The following MLLT3 variants were observed in gnomAD, a reference collection of about 807,000 sequenced individuals.
MLLT3 encodes the protein protein AF-9.
In MLLT3, 4 loss-of-function variants were observed where a neutral mutation model predicts 53.2. The ratio of observed to expected loss-of-function variants is 0.08; its 90% CI spans 0.04 to 0.17. The LOEUF is 0.17. Ranked by LOEUF, MLLT3 falls within the 10% of genes least tolerant of loss-of-function variation. The pLI is 1.00. For synonymous variants in MLLT3, 283 were observed against 230.6 expected (o/e 1.23, Z -2.06); for missense variants, 569 against 684.0 (o/e 0.83, Z 1.87).
chr9:20,442,208 G>C (rs986496744), intron 4 of MLLT3, among the ~76,000 whole-genome samples: 6 of 152,180 alleles, frequency 3.9e-5, no homozygotes, highest in African/African-American at 1.4e-4. Flanking sequence ...CAGATTGGGG[G>C]AGAGGGTAGT....
chr9:20,557,937 A>G (rs2131149032), intron 2 of MLLT3, among the ~76,000 whole-genome samples: 1 of 152,280 alleles, frequency 6.6e-6, no homozygotes, highest in Admixed American at 6.5e-5. Flanking sequence ...TTAGAGGGGG[A>G]TAACCTATAT....
chr9:20,546,425 C>T (rs537693148), intron 2 of MLLT3, among the ~76,000 whole-genome samples: 1 of 152,206 alleles, frequency 6.6e-6, no homozygotes, highest in South Asian at 2.1e-4. Flanking sequence ...TGCCTGTAGT[C>T]CTAGCTACTC....
intron 2 of MLLT3, among the ~76,000 whole-genome samples, chr9:20,525,474 C>A (rs925872379): frequency 6.6e-6 from 1 of 152,104 alleles, no homozygotes; most frequent in African/African-American, 2.4e-5. Flanking sequence ...CCAGCCTGGG[C>A]AACAGTAAGA....
At chr9:20,406,368 C>A (rs1371775547) in intron 5 of MLLT3, among the ~76,000 whole-genome samples, 1 of 152,176 alleles carries the variant, frequency 6.6e-6, no homozygotes, top group Non-Finnish European at 1.5e-5. Context: ...CATGCAGTGA[C>A]CGTACATAGG....
intron 2 of MLLT3, among the ~76,000 whole-genome samples, chr9:20,540,614 A>G (rs560973442): frequency 6.6e-6 from 1 of 152,310 alleles, no homozygotes; most frequent in Admixed American, 6.5e-5. Context: ...ACAGGGTGCC[A>G]TGTCTTAAGG....
At chr9:20,371,183 G>A (rs780091947) in intron 5 of MLLT3, among the ~76,000 whole-genome samples, 12 of 152,202 alleles carry the variant, frequency 7.9e-5, no homozygotes, top group Non-Finnish European at 1.2e-4. Context: ...GGTTCATAAG[G>A]TTTAGGGAAA....
At chr9:20,463,284 G>A (rs74494384) in intron 2 of MLLT3, among the ~76,000 whole-genome samples, 1 of 151,824 alleles carries the variant, frequency 6.6e-6, no homozygotes, top group Non-Finnish European at 1.5e-5. Flanking sequence ...AAGGGGGTGG[G>A]GGGGAGGAGA....
At position 20,342,493 on chromosome 9, in the gene MLLT3, G is replaced by C. The variant is rs1820758497; in HGVS notation, c.*3950C>G. The C allele has an allele frequency of 4.5e-6, 1 of 222,088 alleles. No homozygotes were observed. Among genetic ancestry groups the C allele is most frequent in the African/African-American group, 2.2e-5 (1 of 44,666 alleles). 13.8% of individuals were successfully genotyped at this position (222,088 alleles called of 1,614,324 possible). A position where few individuals can be genotyped will look rare whatever the true frequency, so the allele number is the denominator to read the frequency against. The stretch of plus-strand genomic sequence containing the variant: ...GCATGGTAGCTCTGGCCACCATTAA[G>C]GATCTGTCAGCATTTCCATCATAAC... On this transcript the variant is annotated 3_prime_UTR_variant, in exon 11 of 11. Coordinates refer to ENST00000380338, the MANE Select transcript of MLLT3 (RefSeq NM_004529.4).
chr9:20,480,827 T>C (rs1352845851), intron 2 of MLLT3, among the ~76,000 whole-genome samples: 1 of 152,200 alleles, frequency 6.6e-6, no homozygotes, highest in African/African-American at 2.4e-5. Context: ...GATAGGTATA[T>C]AGTAGATGCT....
chr9:20,415,746 T>C (rs1180397546), intron 4 of MLLT3, among the ~76,000 whole-genome samples: 1 of 152,074 alleles, frequency 6.6e-6, no homozygotes, highest in Non-Finnish European at 1.5e-5. Context: ...ATGAACAATC[T>C]ACTTATTGGG....
At chr9:20,545,198 A>C (rs1386892358) in intron 2 of MLLT3, among the ~76,000 whole-genome samples, 1 of 152,182 alleles carries the variant, frequency 6.6e-6, no homozygotes, top group Admixed American at 6.5e-5. Flanking sequence ...ATAAATAAAC[A>C]AAATGTGTTA....
chr9:20,468,113 A>C (rs1322661795), intron 2 of MLLT3, among the ~76,000 whole-genome samples: 3 of 152,210 alleles, frequency 2.0e-5, no homozygotes, highest in Non-Finnish European at 4.4e-5. Flanking sequence ...TAGCTCCTAT[A>C]AACTGTAAGA....
At chr9:20,434,005 C>T (rs540720265) in intron 4 of MLLT3, among the ~76,000 whole-genome samples, 2 of 152,024 alleles carry the variant, frequency 1.3e-5, no homozygotes, top group East Asian at 3.9e-4. Flanking sequence ...CCTGTAGTCC[C>T]AGCTACTCAG....
At chr9:20,503,495 A>G (rs915660594) in intron 2 of MLLT3, among the ~76,000 whole-genome samples, 2 of 152,194 alleles carry the variant, frequency 1.3e-5, no homozygotes, top group Admixed American at 6.5e-5. Flanking sequence ...CACCACACAC[A>G]TAAGAATGAA....
Position 20,476,733 on chromosome 9 carries a change from T to G in MLLT3, c.194-19947A>C, listed in dbSNP as rs142629310. Among the ~76,000 whole-genome samples the G allele has an allele frequency of 1.9e-3, 282 of 152,248 alleles. 2 individuals are homozygous for G. Among genetic ancestry groups the G allele is most frequent in the South Asian group, 0.018 (89 of 4,822 alleles). ...TTTGAAGACAGTATTTTATCTTGAA[T>G]CCCTTGAAGTCCATCTTAAGTGGAG... is the stretch of plus-strand genomic sequence containing the variant. On this transcript the variant is annotated intron_variant, in intron 2 of 10. Transcript: ENST00000380338.
intron 2 of MLLT3, among the ~76,000 whole-genome samples, chr9:20,558,483 T>C (rs935455291): frequency 6.6e-5 from 10 of 152,116 alleles, no homozygotes; most frequent in African/African-American, 1.2e-4. Context: ...AACTTTTTCA[T>C]TGCAATAAAC....
intron 2 of MLLT3, among the ~76,000 whole-genome samples, chr9:20,509,967 T>C (rs781345076): frequency 6.6e-6 from 1 of 151,970 alleles, no homozygotes; most frequent in African/African-American, 2.4e-5. Context: ...GATGAGAATA[T>C]CAACATTACC....
Position 20,346,379 on chromosome 9 carries a change from C to CAAAAAAAAAAAAAAACA in MLLT3, c.*63_*64insTGTTTTTTTTTTTTTTT, listed in dbSNP as rs543672849. The stretch of plus-strand genomic sequence containing the variant: ...AACAACAAGAACAAAAAATCACAAC[C>CAAAAAAAAAAAAAAACA]AAAAAAAAAAAAAACCAAAAAAAAA... On this transcript the variant is annotated 3_prime_UTR_variant, in exon 11 of 11. Coordinates refer to ENST00000380338, the MANE Select transcript of MLLT3 (RefSeq NM_004529.4). 10 of 985,628 alleles carry CAAAAAAAAAAAAAAACA rather than the reference C, an allele frequency of 1.0e-5. No individual in the cohort carries two copies. The highest frequency in any genetic ancestry group is 8.4e-5 in the Admixed American group (2 of 23,820). The allele number at this position is 985,628 out of a possible 1,614,324, so 61.1% of individuals were successfully genotyped here. A position where few individuals can be genotyped will look rare whatever the true frequency, so the allele number is the denominator to read the frequency against.
At chr9:20,622,184 G>A (rs754494514) in intron 1 of MLLT3, 61 bp downstream of exon 1, 2 of 1,515,556 alleles carry the variant, frequency 1.3e-6, no homozygotes, top group East Asian at 2.3e-5. Flanking sequence ...GGGCTGCGGC[G>A]GCGCAGGGCG....
Sources: gnomAD v4.1 joint callset for allele counts (sites outside exome capture counted in the v4.1 genomes callset) on GRCh38, gnomAD v4.1.1 for gene constraint, MANE v1.5 for transcripts, NCBI Gene and HGNC (gene_info 2026-07-23, HGNC 2026-07-21) for gene names.